ITCH: variants seen among roughly 807,000 people sequenced by gnomAD.
The protein encoded by ITCH is itchy E3 ubiquitin protein ligase.
Under a neutral mutation model 126.8 loss-of-function variants are expected in ITCH, and 28 were observed. That is an observed-to-expected ratio of 0.22 (90% CI 0.16 to 0.30). The LOEUF is 0.30. ITCH is among the 10% of genes least tolerant of loss of function. ITCH has a pLI of 1.00. For missense variants in ITCH, 631 were observed against 1,032.4 expected (o/e 0.61, Z 5.33); for synonymous variants, 342 against 340.0 (o/e 1.01, Z -0.06).
At chr20:34,435,174 GT>G (rs34960574) in intron 7 of ITCH, among the ~76,000 whole-genome samples, 138 of 145,094 alleles carry the variant, frequency 9.5e-4, no homozygotes, top group African/African-American at 2.8e-3. Context: ...TTGTTTTTGG[GT>G]TTTTTTTTTT....
In ITCH at chr20:34,487,445, CTATT is replaced by C. The variant is rs1477037632; in HGVS notation, c.2094-1819_2094-1816del. On this transcript the variant is annotated intron_variant, in intron 20 of 24. Coordinates refer to ENST00000374864, the MANE Select transcript of ITCH (RefSeq NM_031483.7). ...TTGTTTTGCTATTTGTCTCGCCTTG[CTATT>C]TGTTTCTTATTTTTCCCAACTTTCT... Among the ~76,000 whole-genome samples, 7 of 152,208 alleles carry C rather than the reference CTATT, an allele frequency of 4.6e-5. No individual in the cohort carries two copies. The East Asian group carries it at 1.3e-3, about 29-fold the overall frequency.
Position 34,475,921 on chromosome 20 carries a change from A to T in ITCH, c.1570-1851A>T, listed in dbSNP as rs181875530. 1,303 of 1,213,740 alleles carry T rather than the reference A, an allele frequency of 1.1e-3. 4 individuals carry two copies. The highest frequency in any genetic ancestry group is 1.5e-3 in the Non-Finnish European group (1,192 of 815,530). 75.2% of individuals were successfully genotyped at this position (1,213,740 alleles called of 1,614,324 possible). A position where few individuals can be genotyped will look rare whatever the true frequency, so the allele number is the denominator to read the frequency against. ...CCATGAAAATATTCCTATTTGTTCT[A>T]GTTCAGGAGGTCTTGCCCACATCAA... On this transcript the variant is annotated intron_variant, in intron 16 of 24. Coordinates refer to ENST00000374864, the MANE Select transcript of ITCH (RefSeq NM_031483.7).
At chr20:34,390,953 G>A (rs972591096) in intron 2 of ITCH, among the ~76,000 whole-genome samples, 2 of 146,872 alleles carry the variant, frequency 1.4e-5, no homozygotes, top group African/African-American at 2.5e-5. Context: ...GGGTTTCAAC[G>A]TGTTGGCCAG....
rs147941500 is a variant in ITCH at position 34,402,043 on chromosome 20, T to C, written c.71-6608T>C. The C allele has an allele frequency of 1.1e-5, 7 of 643,712 alleles. No individual in the cohort carries two copies. In the African/African-American group the frequency reaches 1.3e-4, roughly 12 times the overall value. The allele number at this position is 643,712 out of a possible 1,614,324, so 39.9% of individuals were successfully genotyped here. Reference sequence around the variant, plus strand: ...TGGGTAGGTGCAGTGCGTTTGTCATTATGGCAAAAACGAATTTTAATTTTT... The same window carrying C: ...TGGGTAGGTGCAGTGCGTTTGTCATCATGGCAAAAACGAATTTTAATTTTT... On this transcript the variant is annotated intron_variant, in intron 3 of 24. Transcript: ENST00000374864.
At chr20:34,400,654 T>C (rs1335845343) in intron 3 of ITCH, among the ~76,000 whole-genome samples, 1 of 149,528 alleles carries the variant, frequency 6.7e-6, no homozygotes, top group African/African-American at 2.5e-5. Context: ...TTCTTTTTTT[T>C]TTTTTTTTTT....
rs201703536 is a variant in ITCH at position 34,406,039 on chromosome 20, TA to T, written c.71-2608del. On this transcript the variant is annotated intron_variant, in intron 3 of 24. Coordinates refer to ENST00000374864, the MANE Select transcript of ITCH (RefSeq NM_031483.7). Reference sequence around the variant, plus strand: ...ATCTGAAACAATTTTTTTTTTTTTTTAAAAGACAGTTTTGCTCTGTTGCCCA... The same window carrying T: ...ATCTGAAACAATTTTTTTTTTTTTTTAAAGACAGTTTTGCTCTGTTGCCCA... Among the ~76,000 whole-genome samples, 1,133 of 150,298 alleles carry T rather than the reference TA, an allele frequency of 7.5e-3. 6 individuals carry two copies. The highest frequency in any genetic ancestry group is 0.029 in the South Asian group (140 of 4,784).
intron 17 of ITCH, among the ~76,000 whole-genome samples, chr20:34,479,038 G>T (rs1568988248): frequency 6.6e-6 from 1 of 152,044 alleles, no homozygotes; most frequent in African/African-American, 2.4e-5. Context: ...GTTAATATTG[G>T]TTCATATTTT....
At chr20:34,445,612 G>T in intron 11 of ITCH, 151 bp downstream of exon 11, 1 of 685,348 alleles carries the variant, frequency 1.5e-6, no homozygotes, top group Non-Finnish European at 2.5e-6. Context: ...CCTTGTCTGG[G>T]GTATTCTGTG....
chr20:34,489,742 G>C (rs764713883), intron 21 of ITCH, 80 bp from the exon 22 acceptor site: 3 of 925,518 alleles, frequency 3.2e-6, no homozygotes, highest in Non-Finnish European at 3.6e-6. Flanking sequence ...CTAAAGCTTT[G>C]CTTAATCTTA....
At chr20:34,373,547 A>G (rs2037721913) in intron 2 of ITCH, among the ~76,000 whole-genome samples, 1 of 152,188 alleles carries the variant, frequency 6.6e-6, no homozygotes, top group African/African-American at 2.4e-5. Context: ...AAGTGCTGGA[A>G]TTATAGGCAT....
intron 11 of ITCH, 133 bp downstream of exon 11, chr20:34,445,594 T>C (rs1600355055): frequency 2.5e-6 from 2 of 796,710 alleles, no homozygotes; most frequent in Middle Eastern, 3.0e-4. Flanking sequence ...GTAGGTATTA[T>C]TTTTAGACCT....
intron 7 of ITCH, among the ~76,000 whole-genome samples, chr20:34,429,810 A>G (rs1982046970): frequency 8.5e-6 from 1 of 117,386 alleles, no homozygotes; most frequent in African/African-American, 2.8e-5. Flanking sequence ...AAAAGATGTA[A>G]ATTAAATAGT....
intron 12 of ITCH, chr20:34,450,844 T>C (rs1985111742): frequency 6.6e-6 from 1 of 152,222 alleles, no homozygotes; most frequent in Non-Finnish European, 1.5e-5. Context: ...TAAATGCTAC[T>C]GGGGGTATAA....
rs535987766 is a variant in ITCH, at chr20:34,493,390, C to T, written c.2416+793C>T. The stretch of plus-strand genomic sequence containing the variant: ...CTTTTTGAAGAGAGGAAAACTTGCT[C>T]AAGCTGCATTTAGGAAGATTTGATA... On this transcript the variant is annotated intron_variant, in intron 23 of 24. Coordinates refer to ENST00000374864, the MANE Select transcript of ITCH (RefSeq NM_031483.7). 4.6e-5 allele frequency among the ~76,000 whole-genome samples: 7 copies of T among 152,252 alleles called. No homozygotes were observed. The South Asian group carries it at 1.0e-3, about 23-fold the overall frequency.
chr20:34,450,370 C>T (rs1165265875), intron 12 of ITCH, among the ~76,000 whole-genome samples: 3 of 152,152 alleles, frequency 2.0e-5, no homozygotes, highest in African/African-American at 7.2e-5. Flanking sequence ...TTGGCATTAT[C>T]TGATAGAAGA....
chr20:34,445,156 C>CT (rs1984279437), intron 10 of ITCH, 131 bp from the exon 11 acceptor site: 1 of 1,031,140 alleles, frequency 9.7e-7, no homozygotes, highest in Admixed American at 2.6e-5. Context: ...CTTAAGTTCA[C>CT]TTACAAACTA....
At chr20:34,445,511 C>T in intron 11 of ITCH, 50 bp downstream of exon 11, 3 of 1,565,520 alleles carry the variant, frequency 1.9e-6, no homozygotes, top group East Asian at 4.5e-5. Flanking sequence ...TGTTTCTAGC[C>T]CCTTCCAGCA....
chr20:34,415,216 A>G (rs1053764068), intron 6 of ITCH, among the ~76,000 whole-genome samples: 1 of 152,106 alleles, frequency 6.6e-6, no homozygotes, highest in Non-Finnish European at 1.5e-5. Flanking sequence ...TTCTTTTTCT[A>G]CTTTGTTGAA....
At chr20:34,474,804 C>G (rs1439627677) in intron 16 of ITCH, among the ~76,000 whole-genome samples, 1 of 151,276 alleles carries the variant, frequency 6.6e-6, no homozygotes, top group East Asian at 2.0e-4. Flanking sequence ...CTGACCCCCC[C>G]ACCTCCCTCC....
Sources: gnomAD v4.1 joint callset for allele counts (sites outside exome capture counted in the v4.1 genomes callset) on GRCh38, gnomAD v4.1.1 for gene constraint, MANE v1.5 for transcripts, NCBI Gene and HGNC (gene_info 2026-07-23, HGNC 2026-07-21) for gene names.